Variants in BRAF observed in about 807,000 individuals in gnomAD.
BRAF encodes serine/threonine-protein kinase B-raf.
In BRAF, 16 loss-of-function variants were observed where a neutral mutation model predicts 104.6. That is an observed-to-expected ratio of 0.15 (90% confidence interval 0.10 to 0.23). BRAF has a LOEUF of 0.23. BRAF is among the 10% of genes least tolerant of loss of function. The pLI, the probability that BRAF is intolerant of heterozygous loss-of-function variation, is 1.00. For missense variants in BRAF, 541 were observed against 937.3 expected, an observed-to-expected ratio of 0.58 and a Z score of 5.52; for synonymous variants, 310 against 341.6, an observed-to-expected ratio of 0.91 and a Z score of 1.02.
At chr7:140,890,189 C>T (rs533289825) in intron 1 of BRAF, among the ~76,000 whole-genome samples, 42 of 152,228 alleles carry the variant, frequency 2.8e-4, no homozygotes, top group Non-Finnish European at 5.9e-4. Flanking sequence ...AAATGGAATC[C>T]TCAGTGACTG....
chr7:140,826,465 C>T (rs897286931), intron 3 of BRAF, among the ~76,000 whole-genome samples: 4 of 152,188 alleles, frequency 2.6e-5, no homozygotes, highest in African/African-American at 9.6e-5. Context: ...TTTTCTCTTT[C>T]TCTGCATGTT....
intron 1 of BRAF, among the ~76,000 whole-genome samples, chr7:140,877,267 A>AT (rs199668599): frequency 1.8e-4 from 19 of 104,080 alleles, no homozygotes; most frequent in Admixed American, 4.2e-4. Context: ...TTGTGCCATT[A>AT]TTTTTTTTTT....
chr7:140,719,829 C>G lies in BRAF; in HGVS notation c.*6665G>C, dbSNP rs1217251278. ...CTTTTCACTGGGCACGCCCCAGACT[C>G]CACGAGAACCTTTTCAATGCTTGAG... On this transcript the variant is annotated 3_prime_UTR_variant, in exon 20 of 20. Transcript: ENST00000644969. The G allele has an allele frequency of 1.7e-5, 18 of 1,063,114 alleles. No homozygotes were observed. Among genetic ancestry groups the G allele is most frequent in the Non-Finnish European group, 2.1e-5 (18 of 878,002 alleles). The allele number at this position is 1,063,114 out of a possible 1,614,324, so 65.9% of individuals were successfully genotyped here. A position where few individuals can be genotyped will look rare whatever the true frequency, so the allele number is the denominator to read the frequency against.
chr7:140,714,340 G>T (rs1285502485), downstream of BRAF, among the ~76,000 whole-genome samples: 5 of 152,258 alleles, frequency 3.3e-5, no homozygotes, highest in East Asian at 9.7e-4. Flanking sequence ...AGACTGGACA[G>T]AATTCTCCTC....
downstream of BRAF, among the ~76,000 whole-genome samples, chr7:140,719,156 A>G (rs1248773490): frequency 6.6e-6 from 1 of 152,198 alleles, no homozygotes; most frequent in African/African-American, 2.4e-5. Context: ...CGTATAACCT[A>G]CCATGCATGA....
intron 1 of BRAF, among the ~76,000 whole-genome samples, chr7:140,900,148 G>A (rs1192628596): frequency 1.3e-5 from 2 of 152,180 alleles, no homozygotes; most frequent in East Asian, 3.8e-4. Context: ...CTAAGTCTTC[G>A]GTAATTACAC....
chr7:140,721,117 A>G lies in BRAF; in HGVS notation c.*5377T>C, dbSNP rs1426276215. The G allele has an allele frequency of 7.5e-6, 8 of 1,064,678 alleles. No individual in the cohort carries two copies. The highest frequency in any genetic ancestry group is 9.1e-6 in the Non-Finnish European group (8 of 878,868). The allele number at this position is 1,064,678 out of a possible 1,614,324, so 66.0% of individuals were successfully genotyped here. ...CTAAAAAATGGATACACTGGCTTAC[A>G]TTGGCTGTGTCCTCATACACACTCG... On this transcript the variant is annotated 3_prime_UTR_variant, in exon 20 of 20. Coordinates refer to ENST00000644969, the MANE Select transcript of BRAF (RefSeq NM_001374258.1).
intron 18 of BRAF, among the ~76,000 whole-genome samples, chr7:140,736,004 G>A (rs1796385073): frequency 1.3e-5 from 2 of 151,228 alleles, no homozygotes; most frequent in South Asian, 4.2e-4. Flanking sequence ...AATGTATAAA[G>A]AGTATAAGGC....
intron 3 of BRAF, chr7:140,823,491 G>C (rs1376342921): frequency 1.6e-5 from 2 of 128,372 alleles, no homozygotes; most frequent in African/African-American, 4.5e-5. Flanking sequence ...GTATGTGTTA[G>C]AATGTCCTAA....
rs1443047646 is a variant in BRAF at position 140,722,574 on chromosome 7, T to C, written c.*3920A>G. Reference sequence around the variant, plus strand: ...GGCTATGGTGTTTATAGCCTAATGGTTGGAATCTGCTCGTCTCAAGGTGCT... The same window carrying C: ...GGCTATGGTGTTTATAGCCTAATGGCTGGAATCTGCTCGTCTCAAGGTGCT... On this transcript the variant is annotated 3_prime_UTR_variant, in exon 20 of 20. Transcript: ENST00000644969. The C allele has an allele frequency of 2.8e-6, 3 of 1,055,570 alleles. No homozygotes were observed. The highest frequency in any genetic ancestry group is 5.4e-5 in the Admixed American group (1 of 18,394). 65.4% of individuals were successfully genotyped at this position (1,055,570 alleles called of 1,614,324 possible). A position where few individuals can be genotyped will look rare whatever the true frequency, so the allele number is the denominator to read the frequency against.
At chr7:140,818,121 G>C (rs962312738) in intron 3 of BRAF, among the ~76,000 whole-genome samples, 3 of 151,880 alleles carry the variant, frequency 2.0e-5, no homozygotes, top group African/African-American at 7.3e-5. Flanking sequence ...ATTTATCATA[G>C]TGACTGTCTT....
At chr7:140,863,975 C>T (rs1045511441) in intron 1 of BRAF, among the ~76,000 whole-genome samples, 18 of 152,128 alleles carry the variant, frequency 1.2e-4, no homozygotes, top group Non-Finnish European at 2.5e-4. Flanking sequence ...TATAGACGAG[C>T]ACATTGTGGC....
chr7:140,838,599 T>G (rs1459103798), intron 2 of BRAF, among the ~76,000 whole-genome samples: 1 of 152,156 alleles, frequency 6.6e-6, no homozygotes, highest in Non-Finnish European at 1.5e-5. Flanking sequence ...TTGTAGAAAC[T>G]GACAAGCTGA....
intron 14 of BRAF, among the ~76,000 whole-genome samples, chr7:140,763,053 C>T (rs1467145059): frequency 6.6e-6 from 1 of 152,204 alleles, no homozygotes; most frequent in Non-Finnish European, 1.5e-5. Context: ...ATCTTTTCCC[C>T]GCTTTTCCCC....
chr7:140,836,554 T>C (rs1344475111), intron 2 of BRAF, among the ~76,000 whole-genome samples: 1 of 152,210 alleles, frequency 6.6e-6, no homozygotes, highest in Non-Finnish European at 1.5e-5. Context: ...AGGTCTTCTT[T>C]GTTTACAGCC....
intron 1 of BRAF, among the ~76,000 whole-genome samples, chr7:140,864,283 T>C (rs1350617099): frequency 6.6e-6 from 1 of 152,148 alleles, no homozygotes; most frequent in Non-Finnish European, 1.5e-5. Flanking sequence ...ACAGTGGAGA[T>C]AGGGCTACTG....
rs1320140960 is a variant in BRAF, at chr7:140,924,599, G to A, written c.105C>T (p.Ala35=). ...PEAGAGAGAA[A]SSAADPAIPE... ...GAATGGCAGGGTCCGCAGCCGAAGA[G>A]GCCGCGGCGCCGGCGCCGGCGCCGG... Residue 35 remains alanine (A), a synonymous_variant, in exon 1 of 20, where the codon GCC becomes GCT. Transcript: ENST00000644969. This position sits in a 1 kb window ranked among gnomAD's most constrained non-coding sequence, Gnocchi z 4.2. 2.0e-6 allele frequency: 3 copies of A among 1,529,564 alleles called. No homozygotes were observed. The highest frequency in any genetic ancestry group is 3.9e-5 in the Admixed American group (2 of 50,652). The allele number at this position is 1,529,564 out of a possible 1,614,324, so 94.7% of individuals were successfully genotyped here. A position where few individuals can be genotyped will look rare whatever the true frequency, so the allele number is the denominator to read the frequency against.
intron 14 of BRAF, among the ~76,000 whole-genome samples, chr7:140,776,241 G>C (rs1390355673): frequency 2.0e-5 from 3 of 152,070 alleles, no homozygotes; most frequent in Non-Finnish European, 4.4e-5. Context: ...ACTTCTCACA[G>C]AGCTTTCAAA....
At chr7:140,738,378 T>C (rs542040030) in intron 18 of BRAF, among the ~76,000 whole-genome samples, 2 of 152,198 alleles carry the variant, frequency 1.3e-5, no homozygotes, top group Non-Finnish European at 2.9e-5. Flanking sequence ...GACTTCTGTC[T>C]GAGTTACTCA....
Sources: allele counts gnomAD v4.1 joint callset (sites outside exome capture counted in the v4.1 genomes callset), GRCh38; gene constraint gnomAD v4.1.1; non-coding constraint Gnocchi (gnomAD v3.1); transcripts MANE v1.5; gene names NCBI Gene and HGNC (gene_info 2026-07-23, HGNC 2026-07-21).